The following CTXND1 variants were observed in gnomAD, a reference collection of about 807,000 sequenced individuals.
CTXND1 encodes cortexin domain-containing 1 protein.
chr15:80,222,882 TAAAC>T (rs1595906733), intron 1 of CTXND1, among the ~76,000 whole-genome samples: 1 of 152,168 alleles, frequency 6.6e-6, no homozygotes, highest in Admixed American at 6.5e-5. Context: ...TTGTTATAAA[TAAAC>T]AAATAAACAC....
Position 80,198,935 on chromosome 15 carries a change from G to T in CTXND1, c.*2835C>A, listed in dbSNP as rs2041434404. The T allele has an allele frequency of 6.6e-6, 1 of 152,166 alleles. No individual in the cohort carries two copies. Among genetic ancestry groups the T allele is most frequent in the Non-Finnish European group, 1.5e-5 (1 of 68,024 alleles). 9.4% of individuals were successfully genotyped at this position (152,166 alleles called of 1,614,324 possible). The stretch of plus-strand genomic sequence containing the variant: ...AAGTATACTTGTGATGTAATGTTAG[G>T]AGAAAGAGTATGATATAAAATTATG... On this transcript the variant is annotated 3_prime_UTR_variant, in exon 3 of 3. Coordinates refer to ENST00000560778, the MANE Select transcript of CTXND1 (RefSeq NM_001352888.2).
At position 80,200,788 on chromosome 15, in the gene CTXND1, A is replaced by G. The variant is rs1215395643; in HGVS notation, c.*982T>C. On this transcript the variant is annotated 3_prime_UTR_variant, in exon 3 of 3. Transcript: ENST00000560778. ...TCCCCATTCAATATTCATCTCATGG[A>G]CTGTGCACCCCCAAAAAGGGTACCG... The G allele has an allele frequency of 6.6e-6, 1 of 152,202 alleles. No individual in the cohort carries two copies. The highest frequency in any genetic ancestry group is 1.5e-5 in the Non-Finnish European group (1 of 68,036). The allele number at this position is 152,202 out of a possible 1,614,324, so 9.4% of individuals were successfully genotyped here.
chr15:80,226,668 C>T (rs1345579215), intron 1 of CTXND1, among the ~76,000 whole-genome samples: 1 of 152,322 alleles, frequency 6.6e-6, no homozygotes, highest in South Asian at 2.1e-4. Flanking sequence ...CCCTGGCGGC[C>T]TTCTGCTGCT....
At chr15:80,204,169 A>AATATATAT (rs1282033532) in intron 1 of CTXND1, among the ~76,000 whole-genome samples, 10 of 65,196 alleles carry the variant, frequency 1.5e-4, no homozygotes, top group African/African-American at 4.6e-4. Flanking sequence ...AAAAAAAAAA[A>AATATATAT]ATATATATAT....
At chr15:80,207,200 G>A (rs1893155967) in intron 1 of CTXND1, among the ~76,000 whole-genome samples, 1 of 151,760 alleles carries the variant, frequency 6.6e-6, no homozygotes. Flanking sequence ...ATATTCATCT[G>A]TCCCATTTTC....
At chr15:80,232,926 G>T (rs1010729531) in intron 1 of CTXND1, among the ~76,000 whole-genome samples, 2 of 147,006 alleles carry the variant, frequency 1.4e-5, no homozygotes, top group African/African-American at 5.0e-5. Flanking sequence ...GATATTAGAC[G>T]AAAAATGCAA....
intron 1 of CTXND1, among the ~76,000 whole-genome samples, chr15:80,217,777 G>C (rs1484966132): frequency 6.6e-6 from 1 of 152,056 alleles, no homozygotes; most frequent in Non-Finnish European, 1.5e-5. Flanking sequence ...GAACTCCTGA[G>C]CTCGAGCAAT....
chr15:80,238,349 A>G (rs1893526372), intron 1 of CTXND1, among the ~76,000 whole-genome samples: 1 of 152,170 alleles, frequency 6.6e-6, no homozygotes, highest in South Asian at 2.1e-4. Context: ...ACTTTGTGCT[A>G]TAATTGTGTC....
At chr15:80,231,242 T>A (rs1291573192) in intron 1 of CTXND1, among the ~76,000 whole-genome samples, 1 of 152,056 alleles carries the variant, frequency 6.6e-6, no homozygotes, top group African/African-American at 2.4e-5. Context: ...CAGTCCTGCA[T>A]GGTCAAGCCC....
At chr15:80,243,460 G>A (rs1310030629) in intron 1 of CTXND1, among the ~76,000 whole-genome samples, 2 of 152,160 alleles carry the variant, frequency 1.3e-5, no homozygotes, top group Non-Finnish European at 2.9e-5. Context: ...TGAGAGGTGG[G>A]GGCAGGTAGA....
chr15:80,225,500 T>C (rs1322348271), intron 1 of CTXND1, among the ~76,000 whole-genome samples: 1 of 152,212 alleles, frequency 6.6e-6, no homozygotes, highest in African/African-American at 2.4e-5. Flanking sequence ...GCGAATCTTA[T>C]GGATTTATCT....
intron 2 of CTXND1, among the ~76,000 whole-genome samples, 159 bp from the exon 3 acceptor site, chr15:80,202,173 T>A (rs1262810931): frequency 6.9e-6 from 1 of 145,362 alleles, no homozygotes; most frequent in Non-Finnish European, 1.5e-5. Context: ...TGGGTACACA[T>A]GGACCCACAT....
At chr15:80,206,774 T>G (rs1213769628) in intron 1 of CTXND1, among the ~76,000 whole-genome samples, 1 of 152,214 alleles carries the variant, frequency 6.6e-6, no homozygotes, top group African/African-American at 2.4e-5. Context: ...CCATTGTCAG[T>G]TAGTTCTGTT....
At chr15:80,243,039 C>T (rs141530247) in intron 1 of CTXND1, among the ~76,000 whole-genome samples, 11 of 152,328 alleles carry the variant, frequency 7.2e-5, no homozygotes, top group East Asian at 1.9e-4. Flanking sequence ...GCTGCAGCTT[C>T]GGTCTGCCAA....
intron 1 of CTXND1, among the ~76,000 whole-genome samples, chr15:80,221,188 C>T (rs892154830): frequency 1.3e-5 from 2 of 152,098 alleles, no homozygotes; most frequent in Non-Finnish European, 2.9e-5. Context: ...GGATTACAGG[C>T]GTGAGCCACC....
intron 1 of CTXND1, among the ~76,000 whole-genome samples, chr15:80,238,212 G>A (rs1430542796): frequency 6.6e-6 from 1 of 152,000 alleles, no homozygotes; most frequent in Non-Finnish European, 1.5e-5. Flanking sequence ...GACTCACCCA[G>A]AGCAACTTCC....
At chr15:80,203,113 G>T (rs961101024) in intron 2 of CTXND1, among the ~76,000 whole-genome samples, 1 of 152,198 alleles carries the variant, frequency 6.6e-6, no homozygotes, top group South Asian at 2.1e-4. Context: ...CGAGGAGCTG[G>T]CTAGGAGCGA....
At chr15:80,235,563 A>ACC in intron 1 of CTXND1, among the ~76,000 whole-genome samples, 1 of 152,160 alleles carries the variant, frequency 6.6e-6, no homozygotes, top group African/African-American at 2.4e-5. Context: ...AGGGGAAATC[A>ACC]AGTCCCAGTT....
intron 1 of CTXND1, among the ~76,000 whole-genome samples, chr15:80,204,647 G>GTATATATATATATA (rs35359063): frequency 0.018 from 2,404 of 131,064 alleles, 43 homozygotes; most frequent in Non-Finnish European, 0.026. Flanking sequence ...ATATTCCATT[G>GTATATATATATATA]TATATATATA....
Sources: gnomAD v4.1 joint callset for allele counts (sites outside exome capture counted in the v4.1 genomes callset) on GRCh38, gnomAD v4.1.1 for gene constraint, MANE v1.5 for transcripts, NCBI Gene and HGNC (gene_info 2026-07-23, HGNC 2026-07-21) for gene names.